Variants in TET2 observed in about 807,000 individuals in gnomAD.
TET2 encodes the protein tet methylcytosine dioxygenase 2.
Under a neutral mutation model 142.9 loss-of-function variants are expected in TET2, and 299 were observed. That is an observed-to-expected ratio of 2.09 (90% CI 1.90 to 2.30). The LOEUF is 2.30. Ranked by LOEUF, TET2 falls within the 30% of genes most tolerant of loss-of-function variation. The pLI is 0.00. For missense variants in TET2, 2,418 were observed against 2,378.0 expected, an observed-to-expected ratio of 1.02 and a Z score of -0.35; for synonymous variants, 819 against 849.0, an observed-to-expected ratio of 0.96 and a Z score of 0.61.
rs904812983 is a variant in TET2 at position 105,259,660 on chromosome 4, G to A, written c.3845G>A (p.Gly1282Asp). Reference protein sequence around the residue: ...ACQGLDPETCGASFSFGCSWS... With the variant: ...ACQGLDPETCDASFSFGCSWS... ...CAGGGGCTGGATCCAGAAACCTGTG[G>A]TGCCTCCTTCTCTTTTGGTTGTTCA... is the stretch of plus-strand genomic sequence containing the variant. Residue 1282 changes from glycine (G) to aspartate (D), a missense_variant, in exon 7 of 11, where the codon GGT (glycine) becomes GAT (aspartate). Physicochemically the swap from Gly to Asp is moderately conservative, Grantham distance 94. Transcript: ENST00000380013. The A allele has an allele frequency of 2.6e-6, 4 of 1,550,954 alleles. No homozygotes were observed. The highest frequency in any genetic ancestry group is 2.0e-5 in the Admixed American group (1 of 50,944).
intron 2 of TET2, among the ~76,000 whole-genome samples, chr4:105,230,168 A>G (rs1431849792): frequency 1.3e-5 from 2 of 152,014 alleles, no homozygotes; most frequent in Admixed American, 1.3e-4. Flanking sequence ...CAGCCTCCCA[A>G]GTAACTGGGA....
At chr4:105,200,149 C>T (rs575831217) in intron 2 of TET2, among the ~76,000 whole-genome samples, 20 of 152,150 alleles carry the variant, frequency 1.3e-4, no homozygotes, top group Non-Finnish European at 2.6e-4. Flanking sequence ...AACTAATTTA[C>T]ATTCCCACCA....
intron 6 of TET2, 69 bp downstream of exon 6, chr4:105,243,847 G>A (rs2110256587): frequency 2.9e-6 from 4 of 1,402,340 alleles, no homozygotes; most frequent in Non-Finnish European, 3.9e-6. Context: ...TTGGTTGAAA[G>A]GAAGAGAGTT....
At chr4:105,183,918 G>C (rs1725271189) in intron 1 of TET2, among the ~76,000 whole-genome samples, 1 of 152,008 alleles carries the variant, frequency 6.6e-6, no homozygotes, top group Admixed American at 6.5e-5. Flanking sequence ...TTTCTAGCGG[G>C]GATCTCTAAA....
Position 105,195,015 on chromosome 4 carries a change from G to GA in TET2, c.-47+4511dup, listed in dbSNP as rs527712815. 2.1e-3 allele frequency among the ~76,000 whole-genome samples: 316 copies of GA among 152,118 alleles called. 2 individuals are homozygous for GA. The highest frequency in any genetic ancestry group is 7.4e-3 in the African/African-American group (306 of 41,548). The stretch of plus-strand genomic sequence containing the variant: ...GTTGACCTTCTTGTGGCATTTATCT[G>GA]ACAACCTTGGCAATCCCTAAATTCA... On this transcript the variant is annotated intron_variant, in intron 2 of 10. Transcript: ENST00000380013.
At position 105,279,435 on chromosome 4, in the gene TET2, T is replaced by C. The variant is rs932560928; in HGVS notation, c.*2916T>C. On this transcript the variant is annotated 3_prime_UTR_variant, in exon 11 of 11. Transcript: ENST00000380013. ...AATTTGCTAATATAGGAATATCAGG[T>C]TGACTATATAGCCATACTTGAAAAT... 4.3e-6 allele frequency: 1 copy of C among 232,698 alleles called. No individual in the cohort carries two copies. The highest frequency in any genetic ancestry group is 2.2e-5 in the African/African-American group (1 of 45,442). 14.4% of individuals were successfully genotyped at this position (232,698 alleles called of 1,614,324 possible).
chr4:105,273,144 G>A (rs1042576139), intron 10 of TET2, among the ~76,000 whole-genome samples: 4 of 152,050 alleles, frequency 2.6e-5, no homozygotes, highest in South Asian at 2.1e-4. Flanking sequence ...ACCAATAGGC[G>A]CCAGTGTGTG....
rs115183176 is a variant in TET2 at position 105,205,003 on chromosome 4, G to A, written c.-47+14498G>A. 2.0e-3 allele frequency among the ~76,000 whole-genome samples: 308 copies of A among 152,038 alleles called. 1 individual carries two copies. The highest frequency in any genetic ancestry group is 7.1e-3 in the African/African-American group (296 of 41,504). On this transcript the variant is annotated intron_variant, in intron 2 of 10. Coordinates refer to ENST00000380013, the MANE Select transcript of TET2 (RefSeq NM_001127208.3). ...ATTTGCTTTGTTTTCCTAAATTAGT[G>A]ATTTGGAATACTTAATTGTTTTTAT... is the stretch of plus-strand genomic sequence containing the variant.
In TET2 at chr4:105,235,904, A is replaced by G. The variant is rs758281866; in HGVS notation, c.1962A>G (p.Gln654=). The change falls in exon 3 of 11, where the codon CAA becomes CAG. Residue 654 remains glutamine (Q), a synonymous_variant. Transcript: ENST00000380013. ...QGTVDQHLQF[Q]KPSHQVHFSK... ...CAGTGGACCAACATCTCCAGTTCCA[A>G]AAACCCTCACACCAGGTGCACTTCT... 6.2e-7 allele frequency: 1 copy of G among 1,614,102 alleles called. No individual in the cohort carries two copies. Among genetic ancestry groups the G allele is most frequent in the South Asian group, 1.1e-5 (1 of 91,084 alleles).
chr4:105,169,401 C>G (rs1180930308), intron 1 of TET2, among the ~76,000 whole-genome samples: 1 of 152,020 alleles, frequency 6.6e-6, no homozygotes, highest in African/African-American at 2.4e-5. Context: ...TATTCATGTC[C>G]TTAGCCCACT....
chr4:105,152,546 G>GAA (rs138741813), intron 1 of TET2, among the ~76,000 whole-genome samples: 1 of 144,322 alleles, frequency 6.9e-6, no homozygotes, highest in Non-Finnish European at 1.5e-5. Context: ...AATTTAACTA[G>GAA]AAAAAAAAAG....
chr4:105,269,748 G>GTC lies in TET2; in HGVS notation c.4182+2_4182+3insCT. On this transcript the variant is annotated splice_donor_variant, in intron 9 of 10. Coordinates refer to ENST00000380013, the MANE Select transcript of TET2 (RefSeq NM_001127208.3). LOFTEE classifies it high-confidence loss of function. ...CAACATGCAGAATGGCAGCACATTG[G>GTC]TAAGTTGGGCTGAGGACAGCTTAGC... The GTC allele has an allele frequency of 6.4e-7, 1 of 1,551,556 alleles. No individual in the cohort carries two copies. Among genetic ancestry groups the GTC allele is most frequent in the Non-Finnish European group, 8.7e-7 (1 of 1,146,890 alleles).
intron 1 of TET2, among the ~76,000 whole-genome samples, chr4:105,157,505 G>C (rs1348782550): frequency 2.0e-5 from 3 of 152,070 alleles, no homozygotes; most frequent in Non-Finnish European, 4.4e-5. Context: ...TAATTTTGCA[G>C]TTGTCTGCCA....
intron 1 of TET2, among the ~76,000 whole-genome samples, chr4:105,180,035 A>G (rs1198585697): frequency 6.6e-6 from 1 of 151,734 alleles, no homozygotes; most frequent in African/African-American, 2.4e-5. Context: ...TTTTTCTTGG[A>G]GGTTACAGTA....
chr4:105,261,826 C>A lies in TET2; in HGVS notation c.4022C>A (p.Ala1341Glu). The change falls in exon 8 of 11, where the codon GCA (alanine) becomes GAA (glutamate). Residue 1341 changes from alanine (A) to glutamate (E), a missense_variant. By Grantham distance (107) the Ala-to-Glu change is moderately radical. Coordinates refer to ENST00000380013, the MANE Select transcript of TET2 (RefSeq NM_001127208.3). ...ATGGCACCAACATATAAGAAACTTG[C>A]ACCTGATGCATATAATAATCAGGTA... Reference protein sequence around the residue: ...TLMAPTYKKLAPDAYNNQIEY... With the variant: ...TLMAPTYKKLEPDAYNNQIEY... 2 of 1,546,762 alleles carry A rather than the reference C, an allele frequency of 1.3e-6. No individual in the cohort carries two copies. The highest frequency in any genetic ancestry group is 1.7e-6 in the Non-Finnish European group (2 of 1,143,618).
rs1055980227 is a variant in TET2 at position 105,278,179 on chromosome 4, T to C, written c.*1660T>C. ...AAAAAATTAAATATATACATATATA[T>C]ATATATATATATATATATATATATG... On this transcript the variant is annotated 3_prime_UTR_variant, in exon 11 of 11. Transcript: ENST00000380013. The C allele has an allele frequency of 2.6e-5, 4 of 153,442 alleles. No individual in the cohort carries two copies. The highest frequency in any genetic ancestry group is 2.1e-4 in the South Asian group (1 of 4,656). The allele number at this position is 153,442 out of a possible 1,614,324, so 9.5% of individuals were successfully genotyped here.
chr4:105,273,602 A>G (rs1036469176), intron 10 of TET2, among the ~76,000 whole-genome samples: 1 of 152,210 alleles, frequency 6.6e-6, no homozygotes, highest in African/African-American at 2.4e-5. Flanking sequence ...GAAAGAGAAG[A>G]AAAGTTTAAA....
intron 2 of TET2, among the ~76,000 whole-genome samples, chr4:105,203,711 G>A (rs114901590): frequency 2.6e-4 from 40 of 152,214 alleles, no homozygotes; most frequent in South Asian, 8.3e-4. Flanking sequence ...GCTGCCATAC[G>A]GTAGGTAATA....
chr4:105,187,732 C>T (rs2110473013), intron 1 of TET2, among the ~76,000 whole-genome samples: 1 of 152,238 alleles, frequency 6.6e-6, no homozygotes, highest in South Asian at 2.1e-4. Flanking sequence ...CCTCTCATTC[C>T]AACTATTGCT....
Sources: allele counts gnomAD v4.1 joint callset (sites outside exome capture counted in the v4.1 genomes callset), GRCh38; gene constraint gnomAD v4.1.1; transcripts MANE v1.5; gene names NCBI Gene and HGNC (gene_info 2026-07-23, HGNC 2026-07-21).